FGF12: variants seen among roughly 807,000 people sequenced by gnomAD.
FGF12 encodes the protein fibroblast growth factor 12, also known as fibroblast growth factor 12B.
In FGF12, 14 loss-of-function variants were observed where a neutral mutation model predicts 23.6. That is an observed-to-expected ratio of 0.59 (90% CI 0.39 to 0.93). The LOEUF (loss-of-function observed/expected upper bound fraction) is 0.93. Ranked by LOEUF, FGF12 falls within the 40% of genes least tolerant of loss-of-function variation. The pLI is 0.00. For missense variants in FGF12, 175 were observed against 217.8 expected (o/e 0.80, Z 1.24); for synonymous variants, 62 against 77.3 (o/e 0.80, Z 1.04).
chr3:192,488,379 A>G (rs534603305), intron 2 of FGF12, among the ~76,000 whole-genome samples: 2 of 152,228 alleles, frequency 1.3e-5, no homozygotes, highest in South Asian at 2.1e-4. Flanking sequence ...TCTAAATTGT[A>G]TCTTCCAATC....
intron 2 of FGF12, among the ~76,000 whole-genome samples, chr3:192,420,858 C>T (rs529567878): frequency 3.9e-5 from 6 of 152,224 alleles, no homozygotes; most frequent in East Asian, 1.9e-4. Context: ...TCAGTACACA[C>T]TCACAGCTCA....
chr3:192,667,186 C>G (rs1560187830), intron 2 of FGF12, among the ~76,000 whole-genome samples: 1 of 152,052 alleles, frequency 6.6e-6, no homozygotes, highest in Non-Finnish European at 1.5e-5. Flanking sequence ...TGGAGATAAT[C>G]TTGTAAAACA....
chr3:192,278,150 T>C (rs760879029), intron 4 of FGF12, among the ~76,000 whole-genome samples: 4 of 152,218 alleles, frequency 2.6e-5, no homozygotes, highest in Non-Finnish European at 5.9e-5. Context: ...TAACATATAT[T>C]GATGAATAGA....
chr3:192,697,326 T>C (rs1393332411), intron 2 of FGF12, among the ~76,000 whole-genome samples: 2 of 152,304 alleles, frequency 1.3e-5, no homozygotes, highest in East Asian at 3.9e-4. Flanking sequence ...ATAGAAAGAA[T>C]TTCACTTCTT....
At chr3:192,395,124 C>G (rs1247095265) in intron 2 of FGF12, among the ~76,000 whole-genome samples, 1 of 152,184 alleles carries the variant, frequency 6.6e-6, no homozygotes. Context: ...GGGCCCTTTT[C>G]CATATTGGCT....
At chr3:192,272,921 A>G (rs941282735) in intron 4 of FGF12, among the ~76,000 whole-genome samples, 7 of 152,212 alleles carry the variant, frequency 4.6e-5, no homozygotes, top group Non-Finnish European at 8.8e-5. Flanking sequence ...AGAAGAAAAA[A>G]TGTCATCTAT....
intron 2 of FGF12, among the ~76,000 whole-genome samples, chr3:192,459,845 G>GTA (rs1197761395): frequency 6.6e-6 from 1 of 151,856 alleles, no homozygotes; most frequent in African/African-American, 2.4e-5. Context: ...TTTAGTGTGT[G>GTA]TGTGTGTGTG....
intron 2 of FGF12, among the ~76,000 whole-genome samples, chr3:192,700,037 A>C (rs538457855): frequency 6.6e-6 from 1 of 152,338 alleles, no homozygotes; most frequent in African/African-American, 2.4e-5. Flanking sequence ...CTCCTTTCTA[A>C]GTGGAAAGAA....
intron 2 of FGF12, among the ~76,000 whole-genome samples, chr3:192,574,565 C>T (rs959745526): frequency 6.6e-6 from 1 of 152,120 alleles, no homozygotes; most frequent in Non-Finnish European, 1.5e-5. Flanking sequence ...ACCAGACTTC[C>T]AAAACATAGG....
chr3:192,278,588 A>C (rs1409458711), intron 4 of FGF12, among the ~76,000 whole-genome samples: 2 of 152,228 alleles, frequency 1.3e-5, no homozygotes, highest in African/African-American at 4.8e-5. Context: ...CATGGCAAAA[A>C]AGAACCAGCC....
At chr3:192,315,097 C>T (rs561171658) in intron 4 of FGF12, among the ~76,000 whole-genome samples, 1 of 152,238 alleles carries the variant, frequency 6.6e-6, no homozygotes, top group East Asian at 1.9e-4. Flanking sequence ...TATATATTCC[C>T]CTAACATAAC....
chr3:192,693,282 G>A lies in FGF12; in HGVS notation c.13+33899C>T, dbSNP rs183777583. Among the ~76,000 whole-genome samples, 601 of 152,004 alleles carry A rather than the reference G, an allele frequency of 4.0e-3. 5 individuals are homozygous for A. The highest frequency in any genetic ancestry group is 0.013 in the African/African-American group (547 of 41,498). ...CCATAAGGTGAAATAAATTGAAGAA[G>A]ATACAAATAAAAGATATGTCTTGTT... is the stretch of plus-strand genomic sequence containing the variant. On this transcript the variant is annotated intron_variant, in intron 2 of 5. Coordinates refer to ENST00000445105, the MANE Select transcript of FGF12 (RefSeq NM_004113.6).
intron 2 of FGF12, among the ~76,000 whole-genome samples, chr3:192,399,365 A>G (rs1720663414): frequency 6.6e-6 from 1 of 152,184 alleles, no homozygotes. Context: ...CTTAGGAAGC[A>G]GGCCCTCACA....
rs2108574825 is a variant in FGF12, at chr3:192,142,986, T to C, written c.*1023A>G. 1 of 152,158 alleles carries C rather than the reference T, an allele frequency of 6.6e-6. No homozygotes were observed. Among genetic ancestry groups the C allele is most frequent in the Non-Finnish European group, 1.5e-5 (1 of 67,952 alleles). 9.4% of individuals were successfully genotyped at this position (152,158 alleles called of 1,614,324 possible). A position where few individuals can be genotyped will look rare whatever the true frequency, so the allele number is the denominator to read the frequency against. ...GACTAATTTCCTAGGACTTATTTCCTTATGTAAAACCCCTGTTCTTTCTTT... is the reference window on the plus strand; with the variant it reads ...GACTAATTTCCTAGGACTTATTTCCCTATGTAAAACCCCTGTTCTTTCTTT... On this transcript the variant is annotated 3_prime_UTR_variant, in exon 6 of 6. Transcript: ENST00000445105.
intron 5 of FGF12, among the ~76,000 whole-genome samples, chr3:192,147,671 T>G (rs1049305334): frequency 1.3e-5 from 2 of 152,122 alleles, no homozygotes; most frequent in African/African-American, 4.8e-5. Context: ...TTTTTAAATA[T>G]AAAAGAAATT....
In FGF12 at chr3:192,427,649, T is replaced by C. The variant is rs116097566; in HGVS notation, c.14-67111A>G. On this transcript the variant is annotated intron_variant, in intron 2 of 5. Transcript: ENST00000445105. ...GTGGTTCTCACATCATTTCATTTAG[T>C]GCCCAGTAGTATGTGTTTCTGGAAA... 2.3e-3 allele frequency among the ~76,000 whole-genome samples: 357 copies of C among 152,326 alleles called. 1 individual carries two copies. The highest frequency in any genetic ancestry group is 8.2e-3 in the African/African-American group (340 of 41,584).
At chr3:192,560,199 T>C (rs570141477) in intron 2 of FGF12, among the ~76,000 whole-genome samples, 12 of 151,998 alleles carry the variant, frequency 7.9e-5, no homozygotes, top group Middle Eastern at 3.4e-3. Flanking sequence ...CGAAAACAAA[T>C]CACTCTATAT....
intron 5 of FGF12, among the ~76,000 whole-genome samples, chr3:192,157,184 TAGAC>T (rs1193654719): frequency 6.6e-6 from 1 of 152,216 alleles, no homozygotes; most frequent in Non-Finnish European, 1.5e-5. Context: ...ACTTGTGAGA[TAGAC>T]AGTAGTTACC....
chr3:192,316,796 C>G (rs1256403113), intron 4 of FGF12, among the ~76,000 whole-genome samples: 1 of 152,204 alleles, frequency 6.6e-6, no homozygotes, highest in Non-Finnish European at 1.5e-5. Flanking sequence ...CACCCCTCCC[C>G]CAACCCCAGG....
Sources: gnomAD v4.1 joint callset for allele counts (sites outside exome capture counted in the v4.1 genomes callset) on GRCh38, gnomAD v4.1.1 for gene constraint, MANE v1.5 for transcripts, NCBI Gene and HGNC (gene_info 2026-07-23, HGNC 2026-07-21) for gene names.